ATP11A: variants seen among roughly 807,000 people sequenced by gnomAD.
ATP11A encodes phospholipid-transporting ATPase IH.
A neutral mutation model predicts 154.4 loss-of-function variants in ATP11A; 81 were observed. The observed-to-expected ratio is 0.52, with a 90% confidence interval of 0.44 to 0.63. The LOEUF (loss-of-function observed/expected upper bound fraction) is 0.63. Among genes scored for constraint, ATP11A ranks in the 30% least tolerant of loss-of-function variants. ATP11A has a pLI of 0.00. For synonymous variants in ATP11A, 623 were observed against 585.9 expected, an observed-to-expected ratio of 1.06 and a Z score of -0.91; for missense variants, 1,316 against 1,474.3, an observed-to-expected ratio of 0.89 and a Z score of 1.76.
intron 1 of ATP11A, among the ~76,000 whole-genome samples, chr13:112,706,420 A>G (rs1887146519): frequency 6.6e-6 from 1 of 152,190 alleles, no homozygotes; most frequent in African/African-American, 2.4e-5. Flanking sequence ...ATGTTAGTTG[A>G]TGGTGTTACA....
At chr13:112,720,143 A>T (rs931360255) in intron 1 of ATP11A, among the ~76,000 whole-genome samples, 5 of 152,200 alleles carry the variant, frequency 3.3e-5, no homozygotes, top group African/African-American at 1.2e-4. Flanking sequence ...TGGGCTGGGG[A>T]AACAGAGTCT....
At position 112,690,290 on chromosome 13, in the gene ATP11A, AC is replaced by A; in HGVS notation, c.-125del. ...CGGAGGGGCCGCGGCCGCCCCCTGC[AC>A]CGCCCGGCGCGCCGAGGCCGTGACC... On this transcript the variant is annotated 5_prime_UTR_variant, in exon 1 of 30. The change abolishes the stop of an existing upstream ORF in the 5' untranslated region. Transcript: ENST00000375645. This position sits in a 1 kb window ranked among gnomAD's most constrained non-coding sequence, Gnocchi z 5.6. 1.7e-6 allele frequency: 1 copy of A among 601,512 alleles called. No homozygotes were observed. The highest frequency in any genetic ancestry group is 8.2e-5 in the East Asian group (1 of 12,158). The allele number at this position is 601,512 out of a possible 1,614,324, so 37.3% of individuals were successfully genotyped here.
chr13:112,798,178 G>A (rs529118220), intron 2 of ATP11A, among the ~76,000 whole-genome samples: 6 of 152,340 alleles, frequency 3.9e-5, no homozygotes, highest in South Asian at 2.1e-4. Context: ...TGAAGGCCCC[G>A]CCTCCTGGGA....
chr13:112,710,543 G>A (rs1200927347), intron 1 of ATP11A, among the ~76,000 whole-genome samples: 2 of 152,232 alleles, frequency 1.3e-5, no homozygotes, highest in Admixed American at 1.3e-4. Context: ...GGAGCCTGCG[G>A]GAGAAGACAG....
At chr13:112,763,457 A>G (rs2077006631) in intron 1 of ATP11A, among the ~76,000 whole-genome samples, 1 of 152,182 alleles carries the variant, frequency 6.6e-6, no homozygotes, top group Admixed American at 6.5e-5. Flanking sequence ...CCCTGAGAGA[A>G]ATTATCTTAC....
chr13:112,795,378 G>A (rs998630282), intron 2 of ATP11A, among the ~76,000 whole-genome samples: 3 of 152,338 alleles, frequency 2.0e-5, no homozygotes, highest in South Asian at 2.1e-4. Context: ...GAACTTCCTC[G>A]TGTAACATGG....
intron 1 of ATP11A, among the ~76,000 whole-genome samples, chr13:112,703,761 G>T (rs549495673): frequency 3.0e-4 from 45 of 152,188 alleles, no homozygotes; most frequent in African/African-American, 1.1e-3. Flanking sequence ...GAGAAAGCTG[G>T]TAGGGGAGAG....
At chr13:112,718,703 T>G (rs894730539) in intron 1 of ATP11A, among the ~76,000 whole-genome samples, 4 of 151,092 alleles carry the variant, frequency 2.6e-5, no homozygotes, top group African/African-American at 9.7e-5. Flanking sequence ...TGAGTTTCAT[T>G]CTTGTCACCC....
At position 112,857,896 on chromosome 13, in the gene ATP11A, A is replaced by C; in HGVS notation, c.2497A>C (p.Ile833Leu). ...CGATGGTGCAAATGATGTCAGCATG[A>C]TTCTGGAAGCGCACGTGGGCATAGG... Reference protein sequence around the residue: ...IGDGANDVSMILEAHVGIGVI... With the variant: ...IGDGANDVSMLLEAHVGIGVI... Residue 833 changes from isoleucine (I) to leucine (L), a missense_variant, in exon 21 of 30, where the codon ATT (isoleucine) becomes CTT (leucine). Around this residue, in one of 5 missense-constraint regions of ATP11A, gnomAD observed 876 missense variants for 1,006.8 expected, o/e 0.87. Transcript: ENST00000375645. The C allele has an allele frequency of 1.2e-6, 2 of 1,614,240 alleles. No individual in the cohort carries two copies. Among genetic ancestry groups the C allele is most frequent in the Non-Finnish European group, 1.7e-6 (2 of 1,180,048 alleles).
rs201472292 is a variant in ATP11A at position 112,863,316 on chromosome 13, A to G, written c.2991+741A>G. On this transcript the variant is annotated intron_variant, in intron 25 of 29. Coordinates refer to ENST00000375645, the MANE Select transcript of ATP11A (RefSeq NM_015205.3). ...CACCACCTGCGCAGTAATTCAGTGC[A>G]GCCCATGCAGCTTCCCAGCGGGGTC... is the stretch of plus-strand genomic sequence containing the variant. Among the ~76,000 whole-genome samples, 391 of 121,542 alleles carry G rather than the reference A, an allele frequency of 3.2e-3. 1 individual carries two copies. The highest frequency in any genetic ancestry group is 0.013 in the African/African-American group (314 of 24,058). 79.7% of individuals were successfully genotyped at this position (121,542 alleles called of 152,430 possible).
At chr13:112,831,285 G>A in intron 12 of ATP11A, 90 bp from the exon 13 acceptor site, 1 of 1,412,998 alleles carries the variant, frequency 7.1e-7, no homozygotes, top group Non-Finnish European at 9.8e-7. Context: ...CACAGTGGGA[G>A]CTGGGGAGGA....
At position 112,855,928 on chromosome 13, in the gene ATP11A, A is replaced by G; in HGVS notation, c.2261A>G (p.Gln754Arg). ...TCTAACAGACTTTCAGCAGATATGC[A>G]GGACTACGGTTTAATTATCGACGGA... Reference protein sequence around the residue: ...DNLSGLSADMQDYGLIIDGAA... With the variant: ...DNLSGLSADMRDYGLIIDGAA... The change falls in exon 20 of 30, where the codon CAG becomes CGG. Residue 754 changes from glutamine to arginine, a missense_variant. Physicochemically the swap from Gln to Arg is conservative, Grantham distance 43. Transcript: ENST00000375645. The G allele has an allele frequency of 1.9e-6, 3 of 1,611,986 alleles. No homozygotes were observed. The highest frequency in any genetic ancestry group is 2.5e-6 in the Non-Finnish European group (3 of 1,178,758).
At chr13:112,770,079 A>G (rs914023) in intron 1 of ATP11A, among the ~76,000 whole-genome samples, 78,649 of 152,076 alleles carry the variant, frequency 0.52, 21,395 homozygotes, top group African/African-American at 0.69. Flanking sequence ...TGCTTTGGTC[A>G]CCGGCTCTTT....
In ATP11A at chr13:112,757,317, A is replaced by G. The variant is rs996743070; in HGVS notation, c.40-27818A>G. Among the ~76,000 whole-genome samples, 3 of 152,250 alleles carry G rather than the reference A, an allele frequency of 2.0e-5. No homozygotes were observed. In the South Asian group the frequency reaches 6.2e-4, roughly 31 times the overall value. On this transcript the variant is annotated intron_variant, in intron 1 of 29. Transcript: ENST00000375645. ...CATAGGAAGCTTTCATCTTCAGAGT[A>G]AACAGAAATTCCAAACCCATTTCAC...
intron 1 of ATP11A, among the ~76,000 whole-genome samples, chr13:112,700,761 G>C (rs1220903771): frequency 2.0e-5 from 3 of 152,190 alleles, no homozygotes; most frequent in Non-Finnish European, 4.4e-5. Flanking sequence ...TCAAACCCAG[G>C]GCCTGCAACT....
chr13:112,790,542 G>A (rs944025239), intron 2 of ATP11A, among the ~76,000 whole-genome samples: 10 of 142,712 alleles, frequency 7.0e-5, no homozygotes, highest in Admixed American at 4.9e-4. Context: ...AATTCACACC[G>A]GGTATTCTGA....
At chr13:112,757,385 C>G (rs1475825489) in intron 1 of ATP11A, among the ~76,000 whole-genome samples, 1 of 152,262 alleles carries the variant, frequency 6.6e-6, no homozygotes, top group African/African-American at 2.4e-5. Flanking sequence ...CACTTGTTTT[C>G]CGAGTCTCTT....
intron 10 of ATP11A, 118 bp from the exon 11 acceptor site, chr13:112,825,312 C>T (rs996706570): frequency 8.4e-7 from 1 of 1,193,352 alleles, no homozygotes; most frequent in Middle Eastern, 2.2e-4. Context: ...AGGGCGAACA[C>T]ATCACTGTGC....
At chr13:112,717,574 A>G (rs532251080) in intron 1 of ATP11A, 1 of 152,366 alleles carries the variant, frequency 6.6e-6, no homozygotes, top group Admixed American at 6.5e-5. Context: ...GTACATTACA[A>G]ACACTACTGT....
Sources: gnomAD v4.1 joint callset for allele counts (sites outside exome capture counted in the v4.1 genomes callset) on GRCh38, gnomAD v4.1.1 for gene constraint, gnomAD v4.1.1 regional missense constraint, Gnocchi (gnomAD v3.1) non-coding constraint, MANE v1.5 for transcripts, NCBI Gene and HGNC (gene_info 2026-07-23, HGNC 2026-07-21) for gene names.